Variants in BRINP3 observed in about 807,000 individuals in gnomAD.
BRINP3 encodes the protein BMP/retinoic acid-inducible neural-specific protein 3.
BRINP3 carries 19 observed loss-of-function variants against 71.0 expected under a neutral mutation model. The ratio of observed to expected loss-of-function variants is 0.27; its 90% CI spans 0.19 to 0.39. BRINP3 has a LOEUF of 0.39. BRINP3 is among the 10% of genes least tolerant of loss of function. BRINP3 has a pLI of 1.00. For synonymous variants in BRINP3, 380 were observed against 337.7 expected (o/e 1.13, Z -1.37); for missense variants, 959 against 940.8 (o/e 1.02, Z -0.25).
chr1:190,345,870 C>T (rs567418784), intron 2 of BRINP3, among the ~76,000 whole-genome samples: 4 of 151,762 alleles, frequency 2.6e-5, no homozygotes, highest in African/African-American at 7.2e-5. Flanking sequence ...ATCTTTCAGT[C>T]CTAAAATTGA....
chr1:190,385,994 C>T lies in BRINP3; in HGVS notation c.236+68661G>A, dbSNP rs1353542577. On this transcript the variant is annotated intron_variant, in intron 2 of 7. Coordinates refer to ENST00000367462, the MANE Select transcript of BRINP3 (RefSeq NM_199051.3). The stretch of plus-strand genomic sequence containing the variant: ...ACTATCGCAAGAACAAAAAACCAAA[C>T]ACCGCATATTCTCACTTATAGGTGG... 1.8e-4 allele frequency among the ~76,000 whole-genome samples: 27 copies of T among 146,738 alleles called. No homozygotes were observed. In the Admixed American group the frequency reaches 1.9e-3, roughly 10 times the overall value.
At chr1:190,117,478 T>C (rs571985994) in intron 7 of BRINP3, among the ~76,000 whole-genome samples, 1 of 152,144 alleles carries the variant, frequency 6.6e-6, no homozygotes, top group African/African-American at 2.4e-5. Flanking sequence ...ATTTTTTAGC[T>C]AGCCTCAAAC....
intron 7 of BRINP3, among the ~76,000 whole-genome samples, chr1:190,100,974 T>C (rs1471219874): frequency 1.3e-5 from 2 of 151,986 alleles, no homozygotes; most frequent in African/African-American, 4.8e-5. Context: ...ATCTTGGGAG[T>C]TAGTTTCTTA....
intron 2 of BRINP3, among the ~76,000 whole-genome samples, chr1:190,364,072 A>G (rs77956113): frequency 1.3e-5 from 2 of 149,576 alleles, no homozygotes; most frequent in South Asian, 4.2e-4. Flanking sequence ...GAAAAAAAAA[A>G]GTAGTATCTC....
intron 2 of BRINP3, among the ~76,000 whole-genome samples, chr1:190,402,348 A>G (rs1021271104): frequency 1.3e-5 from 2 of 152,190 alleles, no homozygotes; most frequent in Admixed American, 6.5e-5. Context: ...ATATTCATAT[A>G]TGAACATTAA....
chr1:190,442,327 A>C (rs1027703980), intron 2 of BRINP3, among the ~76,000 whole-genome samples: 2 of 152,188 alleles, frequency 1.3e-5, no homozygotes, highest in Non-Finnish European at 2.9e-5. Flanking sequence ...GTCAGCAAAT[A>C]AGGCCACAGC....
At chr1:190,338,098 A>G (rs2103101494) in intron 2 of BRINP3, among the ~76,000 whole-genome samples, 1 of 152,204 alleles carries the variant, frequency 6.6e-6, no homozygotes, top group Non-Finnish European at 1.5e-5. Flanking sequence ...ACTTGATCTG[A>G]TGTCTAGGAA....
At chr1:190,473,701 T>C (rs895542534) in intron 1 of BRINP3, among the ~76,000 whole-genome samples, 7 of 151,884 alleles carry the variant, frequency 4.6e-5, no homozygotes, top group African/African-American at 1.4e-4. Flanking sequence ...GGAAGAAATC[T>C]ATTGGCTGCT....
chr1:190,232,792 T>C (rs551472953), intron 5 of BRINP3, among the ~76,000 whole-genome samples: 29 of 152,234 alleles, frequency 1.9e-4, no homozygotes, highest in African/African-American at 7.0e-4. Context: ...ATAAACTGAT[T>C]GAAGTAGTCA....
chr1:190,314,251 G>A (rs1024711946), intron 2 of BRINP3, among the ~76,000 whole-genome samples: 4 of 152,074 alleles, frequency 2.6e-5, no homozygotes, highest in South Asian at 2.1e-4. Context: ...AAATAATAAC[G>A]TAGCCTGGGG....
intron 1 of BRINP3, among the ~76,000 whole-genome samples, chr1:190,455,299 TTG>T (rs762855082): frequency 3.9e-4 from 60 of 152,282 alleles, no homozygotes; most frequent in Non-Finnish European, 6.6e-4. Flanking sequence ...ATTTCATAAA[TTG>T]TGTTACAAAT....
chr1:190,448,665 T>C (rs1675399897), intron 2 of BRINP3, among the ~76,000 whole-genome samples: 2 of 151,874 alleles, frequency 1.3e-5, no homozygotes, highest in East Asian at 3.9e-4. Flanking sequence ...TCTAATTTTG[T>C]CTTAGTTAAC....
intron 2 of BRINP3, among the ~76,000 whole-genome samples, chr1:190,418,667 C>A (rs1323478160): frequency 6.6e-6 from 1 of 151,930 alleles, no homozygotes; most frequent in Non-Finnish European, 1.5e-5. Flanking sequence ...TGAAAATCTG[C>A]AAAACAGAAA....
intron 7 of BRINP3, among the ~76,000 whole-genome samples, chr1:190,099,934 A>C (rs1403871783): frequency 6.6e-6 from 1 of 152,132 alleles, no homozygotes. Flanking sequence ...CGCATTATTT[A>C]AACTATTTTG....
intron 7 of BRINP3, among the ~76,000 whole-genome samples, chr1:190,129,735 G>A (rs961716756): frequency 5.9e-5 from 9 of 151,876 alleles, no homozygotes; most frequent in Non-Finnish European, 1.3e-4. Context: ...AATTTCTAGA[G>A]AAATGTGTAT....
chr1:190,432,430 A>C (rs538830853), intron 2 of BRINP3, among the ~76,000 whole-genome samples: 33 of 152,346 alleles, frequency 2.2e-4, no homozygotes, highest in African/African-American at 7.7e-4. Context: ...GGTGATATTC[A>C]GAGGCCATAT....
At chr1:190,333,093 C>T (rs977354320) in intron 2 of BRINP3, among the ~76,000 whole-genome samples, 3 of 151,906 alleles carry the variant, frequency 2.0e-5, no homozygotes, top group Middle Eastern at 6.8e-3. Flanking sequence ...TTTTTGGATG[C>T]TTATAATATA....
At chr1:190,189,386 T>C (rs1653831055) in intron 6 of BRINP3, among the ~76,000 whole-genome samples, 1 of 152,132 alleles carries the variant, frequency 6.6e-6, no homozygotes, top group African/African-American at 2.4e-5. Context: ...AATGTATAAA[T>C]GATTTGAACA....
At chr1:190,448,420 A>G (rs1675370307) in intron 2 of BRINP3, among the ~76,000 whole-genome samples, 1 of 151,308 alleles carries the variant, frequency 6.6e-6, no homozygotes, top group Non-Finnish European at 1.5e-5. Flanking sequence ...ACTAAATTCT[A>G]TATTTAAATA....
Sources: allele counts gnomAD v4.1 joint callset (sites outside exome capture counted in the v4.1 genomes callset), GRCh38; gene constraint gnomAD v4.1.1; transcripts MANE v1.5; gene names NCBI Gene and HGNC (gene_info 2026-07-23, HGNC 2026-07-21).